The following ERI3 variants were observed in gnomAD, a reference collection of about 807,000 sequenced individuals.
ERI3 encodes the protein ERI1 exoribonuclease family member 3.
In ERI3, 18 loss-of-function variants were observed where a neutral mutation model predicts 44.4. That is an observed-to-expected ratio of 0.41 (90% CI 0.28 to 0.60). The LOEUF (loss-of-function observed/expected upper bound fraction) is 0.60, where lower values mean the gene tolerates loss of function less well. ERI3 is among the 20% of genes least tolerant of loss of function. The pLI is 0.36. For synonymous variants in ERI3, 183 were observed against 164.8 expected (o/e 1.11, Z -0.84); for missense variants, 294 against 435.5 (o/e 0.68, Z 2.89).
rs553772471 is a variant in ERI3 at position 44,345,496 on chromosome 1, A to G, written c.212-6174T>C. ...CAGCTGACTGAAAGCACCTAGGAAT[A>G]CAACAATCATAGCTTCCTCAGTTCT... On this transcript the variant is annotated intron_variant, in intron 2 of 8. Coordinates refer to ENST00000372257, the MANE Select transcript of ERI3 (RefSeq NM_024066.3). 3.3e-5 allele frequency among the ~76,000 whole-genome samples: 5 copies of G among 152,360 alleles called. No homozygotes were observed. In the South Asian group the frequency reaches 1.0e-3, roughly 32 times the overall value.
intron 7 of ERI3, among the ~76,000 whole-genome samples, chr1:44,281,181 T>C (rs1361316243): frequency 6.6e-6 from 1 of 152,208 alleles, no homozygotes; most frequent in African/African-American, 2.4e-5. Flanking sequence ...ACATGATCCA[T>C]GACTCTGAAC....
intron 7 of ERI3, among the ~76,000 whole-genome samples, chr1:44,258,573 C>T (rs1426034514): frequency 6.6e-6 from 1 of 152,156 alleles, no homozygotes; most frequent in Non-Finnish European, 1.5e-5. Context: ...GTCAAGCAGA[C>T]CAAGCCACTG....
intron 8 of ERI3, among the ~76,000 whole-genome samples, chr1:44,222,677 AGTTTTT>A (rs1405971128): frequency 1.3e-5 from 2 of 152,044 alleles, no homozygotes; most frequent in East Asian, 3.9e-4. Context: ...TGAGTGCCTG[AGTTTTT>A]CTGTTCAGCT....
At chr1:44,263,528 T>C (rs556296065) in intron 7 of ERI3, among the ~76,000 whole-genome samples, 1 of 152,330 alleles carries the variant, frequency 6.6e-6, no homozygotes, top group South Asian at 2.1e-4. Context: ...GTCAACTTTG[T>C]AGTACCTTAG....
Position 44,313,246 on chromosome 1 carries a change from T to C in ERI3, c.607-18A>G. On this transcript the variant is annotated intron_variant, in intron 4 of 8. Transcript: ENST00000372257. ...CCGGTGAGCTGAAAGGAAAGAGAAATAGCCGATGGGTAGAAAACCAGGGTG... is the reference window on the plus strand; with the variant it reads ...CCGGTGAGCTGAAAGGAAAGAGAAACAGCCGATGGGTAGAAAACCAGGGTG... 4 of 1,610,216 alleles carry C rather than the reference T, an allele frequency of 2.5e-6. No homozygotes were observed. Among genetic ancestry groups the C allele is most frequent in the Non-Finnish European group, 3.4e-6 (4 of 1,176,706 alleles).
intron 8 of ERI3, among the ~76,000 whole-genome samples, chr1:44,242,985 C>T (rs534608265): frequency 1.3e-5 from 2 of 152,342 alleles, no homozygotes; most frequent in Admixed American, 1.3e-4. Flanking sequence ...CAAGCGTCTC[C>T]CTGAGCCGAC....
chr1:44,225,676 G>A (rs755631664), intron 8 of ERI3, among the ~76,000 whole-genome samples: 1 of 152,324 alleles, frequency 6.6e-6, no homozygotes, highest in Admixed American at 6.5e-5. Flanking sequence ...TCTCCACACA[G>A]AAGGGTTGCT....
At chr1:44,334,378 C>T (rs1210839596) in intron 3 of ERI3, among the ~76,000 whole-genome samples, 5 of 152,196 alleles carry the variant, frequency 3.3e-5, no homozygotes, top group East Asian at 1.9e-4. Flanking sequence ...TCACAACAAC[C>T]ATCACTCGGT....
At position 44,235,698 on chromosome 1, in the gene ERI3, C is replaced by A. The variant is rs1644288776; in HGVS notation, c.931+12241G>T. On this transcript the variant is annotated intron_variant, in intron 8 of 8. Coordinates refer to ENST00000372257, the MANE Select transcript of ERI3 (RefSeq NM_024066.3). The surrounding 1 kb of genome is among the most constrained non-coding windows in gnomAD (Gnocchi z 4.6). ...CTTCCAAAGCCCTGAAGGTTTCAGG[C>A]CCTTCCCCACCTCCGTTCCCTTCTA... 6.6e-6 allele frequency among the ~76,000 whole-genome samples: 1 copy of A among 152,186 alleles called. No homozygotes were observed. The highest frequency in any genetic ancestry group is 1.5e-5 in the Non-Finnish European group (1 of 68,028).
chr1:44,335,141 A>G (rs1646506302), intron 3 of ERI3, among the ~76,000 whole-genome samples: 1 of 152,012 alleles, frequency 6.6e-6, no homozygotes, highest in African/African-American at 2.4e-5. Flanking sequence ...GGAGTTTGAA[A>G]CCAGCCTGGG....
chr1:44,339,331 A>C lies in ERI3; in HGVS notation c.212-9T>G. The C allele has an allele frequency of 2.4e-6, 2 of 818,832 alleles. No individual in the cohort carries two copies. Among genetic ancestry groups the C allele is most frequent in the Non-Finnish European group, 3.6e-6 (2 of 558,966 alleles). 50.7% of individuals were successfully genotyped at this position (818,832 alleles called of 1,614,324 possible). A position where few individuals can be genotyped will look rare whatever the true frequency, so the allele number is the denominator to read the frequency against. On this transcript the variant is annotated splice_polypyrimidine_tract_variant and intron_variant, in intron 2 of 8. Coordinates refer to ENST00000372257, the MANE Select transcript of ERI3 (RefSeq NM_024066.3). ...TCCAGAAGCATCTAAAACTTAGGGG[A>C]GGAAAGTTTAAAAAAAAAAAAAAAA...
intron 4 of ERI3, among the ~76,000 whole-genome samples, chr1:44,313,789 T>C (rs1019956495): frequency 6.6e-6 from 1 of 152,048 alleles, no homozygotes; most frequent in Non-Finnish European, 1.5e-5. Flanking sequence ...TCCTTCACCC[T>C]GCATACGTGG....
rs1644591400 is a variant in ERI3, at chr1:44,248,045, G to T, written c.832-7C>A. 1 of 1,609,394 alleles carries T rather than the reference G, an allele frequency of 6.2e-7. No homozygotes were observed. The highest frequency in any genetic ancestry group is 8.5e-7 in the Non-Finnish European group (1 of 1,177,498). On this transcript the variant is annotated splice_polypyrimidine_tract_variant and splice_region_variant and intron_variant, in intron 7 of 8. Coordinates refer to ENST00000372257, the MANE Select transcript of ERI3 (RefSeq NM_024066.3). ...CCATGGCGAAGCTGTAAGCCTGGAA[G>T]ACAGGAGGCAAGTGGTTAACGGAGG... is the stretch of plus-strand genomic sequence containing the variant.
chr1:44,339,007 C>G (rs759483498), intron 3 of ERI3, 38 bp downstream of exon 3: 1 of 1,598,586 alleles, frequency 6.3e-7, no homozygotes, highest in South Asian at 1.1e-5. Context: ...CCCTCCTTGC[C>G]CCCCCCACCT....
chr1:44,290,427 T>C (rs1158423966), intron 6 of ERI3, among the ~76,000 whole-genome samples: 1 of 152,074 alleles, frequency 6.6e-6, no homozygotes, highest in Non-Finnish European at 1.5e-5. Flanking sequence ...CCATGCAGAG[T>C]TGCCACACTT....
chr1:44,248,369 G>A (rs904085257), intron 7 of ERI3, among the ~76,000 whole-genome samples: 3 of 152,074 alleles, frequency 2.0e-5, no homozygotes, highest in African/African-American at 7.2e-5. Context: ...CCTGCACCTT[G>A]CACCCCTCCT....
At chr1:44,257,354 G>A (rs997406027) in intron 7 of ERI3, among the ~76,000 whole-genome samples, 2 of 134,006 alleles carry the variant, frequency 1.5e-5, no homozygotes, top group East Asian at 5.2e-4. Flanking sequence ...ATCAGGACCC[G>A]ATCAGGAGAC....
In ERI3 at chr1:44,321,782, A is replaced by G. The variant is rs541137942; in HGVS notation, c.490-2038T>C. ...ACTAACAATGTTAGCTGGGCCCACA[A>G]TGAAATTTAACCTGTGACACAACTG... On this transcript the variant is annotated intron_variant, in intron 3 of 8. Coordinates refer to ENST00000372257, the MANE Select transcript of ERI3 (RefSeq NM_024066.3). Among the ~76,000 whole-genome samples, 22 of 152,326 alleles carry G rather than the reference A, an allele frequency of 1.4e-4. 2 individuals are homozygous for G. The highest frequency in any genetic ancestry group is 3.8e-4 in the African/African-American group (16 of 41,576).
At chr1:44,262,223 T>C (rs1489784297) in intron 7 of ERI3, among the ~76,000 whole-genome samples, 2 of 152,114 alleles carry the variant, frequency 1.3e-5, no homozygotes, top group African/African-American at 4.8e-5. Flanking sequence ...CTCTGACACT[T>C]GTCCTCTCTG....
Sources: allele counts gnomAD v4.1 joint callset (sites outside exome capture counted in the v4.1 genomes callset), GRCh38; gene constraint gnomAD v4.1.1; non-coding constraint Gnocchi (gnomAD v3.1); transcripts MANE v1.5; gene names NCBI Gene and HGNC (gene_info 2026-07-23, HGNC 2026-07-21).